DACH1: variants seen among roughly 807,000 people sequenced by gnomAD.
DACH1 encodes the protein dachshund homolog 1.
DACH1 carries 12 observed loss-of-function variants against 54.2 expected under a neutral mutation model. The observed-to-expected ratio is 0.22, with a 90% CI of 0.14 to 0.36. The LOEUF (loss-of-function observed/expected upper bound fraction) is 0.36, where lower values mean the gene tolerates loss of function less well. Ranked by LOEUF, DACH1 falls within the 10% of genes least tolerant of loss-of-function variation. The pLI, the probability that DACH1 is intolerant of heterozygous loss-of-function variation, is 1.00. For missense variants in DACH1, 805 were observed against 929.8 expected (o/e 0.87, Z 1.75); for synonymous variants, 386 against 366.2 (o/e 1.05, Z -0.62).
chr13:71,713,077 T>C (rs1276934254), intron 1 of DACH1, among the ~76,000 whole-genome samples: 5 of 150,204 alleles, frequency 3.3e-5, no homozygotes, highest in Non-Finnish European at 5.9e-5. Context: ...CAAGATTTCT[T>C]CTTTTCTTCT....
intron 3 of DACH1, among the ~76,000 whole-genome samples, chr13:71,578,829 T>A (rs140610898): frequency 1.3e-5 from 2 of 152,172 alleles, no homozygotes. Context: ...AGCACATTTA[T>A]CATGTTTGAT....
At chr13:71,670,891 A>C (rs562636930) in intron 2 of DACH1, among the ~76,000 whole-genome samples, 10 of 152,196 alleles carry the variant, frequency 6.6e-5, no homozygotes, top group South Asian at 6.2e-4. Flanking sequence ...GAAGAATCAA[A>C]AAAATTTGAA....
In DACH1 at chr13:71,674,994, G is replaced by A. The variant is rs994521384; in HGVS notation, c.964+6801C>T. The A allele has an allele frequency of 8.6e-6, 6 of 701,536 alleles. No individual in the cohort carries two copies. In the Admixed American group the frequency reaches 9.4e-5, roughly 11 times the overall value. The allele number at this position is 701,536 out of a possible 1,614,324, so 43.5% of individuals were successfully genotyped here. A position where few individuals can be genotyped will look rare whatever the true frequency, so the allele number is the denominator to read the frequency against. ...CACCGCGCTGCCGTCGCTCTCCAACGCCAGCGCCGCCTCTCGCTCGCCGAG... is the reference window on the plus strand; with the variant it reads ...CACCGCGCTGCCGTCGCTCTCCAACACCAGCGCCGCCTCTCGCTCGCCGAG... On this transcript the variant is annotated intron_variant, in intron 2 of 10. Coordinates refer to ENST00000613252, the MANE Select transcript of DACH1 (RefSeq NM_080759.6).
chr13:71,648,668 A>C (rs2138616873), intron 2 of DACH1, among the ~76,000 whole-genome samples: 1 of 152,314 alleles, frequency 6.6e-6, no homozygotes, highest in South Asian at 2.1e-4. Context: ...TCTGTTTGTA[A>C]GATCTCAACT....
At chr13:71,692,506 CTTTTTTTTTTTTTTTT>C (rs398023338) in intron 1 of DACH1, among the ~76,000 whole-genome samples, 6 of 44,422 alleles carry the variant, frequency 1.4e-4, no homozygotes, top group South Asian at 1.3e-3. Context: ...CTTTTCTTTC[CTTTTTTTTTTTTTTTT>C]TTTTTTTTTT....
chr13:71,537,433 C>G (rs1006094942), intron 6 of DACH1, among the ~76,000 whole-genome samples: 4 of 152,038 alleles, frequency 2.6e-5, no homozygotes, highest in Non-Finnish European at 5.9e-5. Context: ...TTGCTTATTG[C>G]TGATATCTTT....
chr13:71,709,072 C>T (rs1405771119), intron 1 of DACH1, among the ~76,000 whole-genome samples: 1 of 151,966 alleles, frequency 6.6e-6, no homozygotes, highest in Non-Finnish European at 1.5e-5. Context: ...CCAGGATGGT[C>T]TCGATCTCCT....
intron 1 of DACH1, among the ~76,000 whole-genome samples, chr13:71,820,677 A>T (rs1041152631): frequency 1.3e-5 from 2 of 152,208 alleles, no homozygotes; most frequent in Non-Finnish European, 2.9e-5. Context: ...CACAAGAAGA[A>T]ACAACATACA....
intron 1 of DACH1, among the ~76,000 whole-genome samples, chr13:71,795,930 G>C (rs569528932): frequency 1.6e-4 from 24 of 152,224 alleles, no homozygotes; most frequent in Non-Finnish European, 3.1e-4. Flanking sequence ...ATAGCAAGAA[G>C]AAATTGGGCT....
intron 1 of DACH1, among the ~76,000 whole-genome samples, chr13:71,772,896 A>G (rs555577927): frequency 6.6e-4 from 101 of 151,962 alleles, no homozygotes; most frequent in African/African-American, 2.0e-3. Context: ...TAAAATGTAT[A>G]CTCATGAACT....
intron 1 of DACH1, among the ~76,000 whole-genome samples, chr13:71,755,977 G>C (rs1368705557): frequency 6.6e-6 from 1 of 151,900 alleles, no homozygotes; most frequent in African/African-American, 2.4e-5. Flanking sequence ...GTAATGGCTA[G>C]AAAATTTAAA....
intron 1 of DACH1, among the ~76,000 whole-genome samples, chr13:71,859,911 A>C (rs1045330979): frequency 2.8e-4 from 42 of 151,912 alleles, no homozygotes; most frequent in African/African-American, 8.0e-4. Context: ...AGAAGAAGGA[A>C]ACAAGAAATT....
intron 6 of DACH1, among the ~76,000 whole-genome samples, chr13:71,525,867 A>G (rs9542716): frequency 0.15 from 22,898 of 152,082 alleles, 1,814 homozygotes; most frequent in East Asian, 0.19. Context: ...ATCACCATCA[A>G]GGATAACATT....
chr13:71,634,917 G>A (rs1036425495), intron 2 of DACH1, among the ~76,000 whole-genome samples: 4 of 152,184 alleles, frequency 2.6e-5, no homozygotes, highest in African/African-American at 9.7e-5. Context: ...AATTCCAGTA[G>A]AGAAAAACAG....
chr13:71,745,290 T>C (rs763271821), intron 1 of DACH1, among the ~76,000 whole-genome samples: 22 of 152,202 alleles, frequency 1.4e-4, no homozygotes, highest in Admixed American at 8.5e-4. Flanking sequence ...AGAACATATG[T>C]AATAGGCACA....
At chr13:71,771,796 T>G (rs1296729288) in intron 1 of DACH1, among the ~76,000 whole-genome samples, 1 of 150,852 alleles carries the variant, frequency 6.6e-6, no homozygotes, top group African/African-American at 2.4e-5. Flanking sequence ...ACACACACAC[T>G]CTTTATCTCA....
intron 1 of DACH1, among the ~76,000 whole-genome samples, chr13:71,829,526 C>T (rs761535010): frequency 1.3e-5 from 2 of 151,890 alleles, no homozygotes; most frequent in African/African-American, 2.4e-5. Flanking sequence ...TTATTTCCTC[C>T]TCAAACCTAG....
chr13:71,616,896 T>C (rs918586722), intron 3 of DACH1, among the ~76,000 whole-genome samples: 2 of 150,106 alleles, frequency 1.3e-5, no homozygotes, highest in African/African-American at 4.9e-5. Context: ...TTTTTTTTTT[T>C]CTGAGATGGA....
intron 1 of DACH1, among the ~76,000 whole-genome samples, chr13:71,847,542 C>G (rs984086805): frequency 1.1e-4 from 17 of 152,012 alleles, no homozygotes; most frequent in Non-Finnish European, 2.2e-4. Context: ...GAAAAATCGC[C>G]GTATCATCTT....
Sources: allele counts gnomAD v4.1 joint callset (sites outside exome capture counted in the v4.1 genomes callset), GRCh38; gene constraint gnomAD v4.1.1; transcripts MANE v1.5; gene names NCBI Gene and HGNC (gene_info 2026-07-23, HGNC 2026-07-21).